Variants in SLC6A9 observed in about 807,000 individuals in gnomAD.
SLC6A9 encodes solute carrier family 6 member 9, also known as sodium- and chloride-dependent glycine transporter 1.
SLC6A9 carries 31 observed loss-of-function variants against 70.9 expected under a neutral mutation model. The observed-to-expected ratio is 0.44, with a 90% CI of 0.33 to 0.59. The LOEUF (loss-of-function observed/expected upper bound fraction) is 0.59. SLC6A9 is among the 20% of genes least tolerant of loss of function. The pLI is 0.04. For synonymous variants in SLC6A9, 310 were observed against 341.3 expected (o/e 0.91, Z 1.01); for missense variants, 631 against 845.2 (o/e 0.75, Z 3.14).
intron 5 of SLC6A9, among the ~76,000 whole-genome samples, chr1:44,005,572 C>A (rs2086278622): frequency 6.6e-6 from 1 of 152,184 alleles, no homozygotes; most frequent in South Asian, 2.1e-4. Flanking sequence ...CAGCCACCCC[C>A]ACCTAATTCA....
At chr1:44,010,591 G>C (rs548632519) in intron 3 of SLC6A9, 135 bp downstream of exon 3, 2 of 830,384 alleles carry the variant, frequency 2.4e-6, no homozygotes, top group Admixed American at 5.4e-5. Context: ...CTAAGCCAGG[G>C]ATGGGGGCGA....
intron 1 of SLC6A9, among the ~76,000 whole-genome samples, chr1:44,027,805 G>GTCTCTACTA (rs1334089872): frequency 6.6e-6 from 1 of 152,082 alleles, no homozygotes. Flanking sequence ...GTGAAGGCCC[G>GTCTCTACTA]TCTCTACTAA....
intron 2 of SLC6A9, among the ~76,000 whole-genome samples, chr1:44,016,854 A>G (rs2086762380): frequency 6.6e-6 from 1 of 150,492 alleles, no homozygotes; most frequent in Non-Finnish European, 1.5e-5. Flanking sequence ...CCCCCACCAC[A>G]CAGCTAACTC....
intron 2 of SLC6A9, 57 bp from the exon 3 acceptor site, chr1:44,010,939 C>T: frequency 6.4e-7 from 1 of 1,571,752 alleles, no homozygotes; most frequent in Non-Finnish European, 8.7e-7. Context: ...CATGCCTGAC[C>T]CTCTGGGCCT....
At chr1:44,010,455 GC>G (rs1485054239) in intron 3 of SLC6A9, 4 of 262,496 alleles carry the variant, frequency 1.5e-5, no homozygotes, top group African/African-American at 8.5e-5. Flanking sequence ...AGCCTTGTGG[GC>G]GGGGGGGGGG....
intron 3 of SLC6A9, chr1:44,010,397 C>CTTATCCTCACAAGCATAAGTTGCTGAGAT (rs2086503121): frequency 2.2e-6 from 1 of 444,564 alleles, no homozygotes. Context: ...TCCTCAACAT[C>CTTATCCTCACAAGCATAAGTTGCTGAGAT]CCTGAACCAT....
intron 5 of SLC6A9, among the ~76,000 whole-genome samples, chr1:44,006,324 A>G (rs1053338266): frequency 2.6e-5 from 4 of 152,174 alleles, no homozygotes; most frequent in Admixed American, 1.3e-4. Context: ...GTGGTGGCTC[A>G]TGCCTGTAAC....
intron 2 of SLC6A9, chr1:44,011,620 C>T (rs772131663): frequency 6.2e-7 from 1 of 1,614,022 alleles, no homozygotes; most frequent in Non-Finnish European, 8.5e-7. Flanking sequence ...GAGTTGTAGG[C>T]CCCATGCCAG....
In SLC6A9 at chr1:43,997,927, C is replaced by G; in HGVS notation, c.1635G>C (p.Leu545=). ...AGAGGGGGATGCAGAGGACGGAGGACAGAGCCATGAGGAAGCCAATGGCCA... is the reference window on the plus strand; with the variant it reads ...AGAGGGGGATGCAGAGGACGGAGGAGAGAGCCATGAGGAAGCCAATGGCCA... ...WAVAIGFLMA[L]SSVLCIPLYA... The change falls in exon 13 of 14, where the codon CTG becomes CTC. Residue 545 remains leucine, a synonymous_variant. Transcript: ENST00000372310. The surrounding 1 kb of genome is among the most constrained non-coding windows in gnomAD (Gnocchi z 4.4). 1 of 1,614,148 alleles carries G rather than the reference C, an allele frequency of 6.2e-7. No individual in the cohort carries two copies. The highest frequency in any genetic ancestry group is 8.5e-7 in the Non-Finnish European group (1 of 1,180,006).
intron 2 of SLC6A9, among the ~76,000 whole-genome samples, chr1:44,019,208 G>T (rs1010958355): frequency 6.6e-6 from 1 of 152,202 alleles, no homozygotes; most frequent in African/African-American, 2.4e-5. Context: ...TACATGGGAC[G>T]CTTGCTTCAC....
In SLC6A9 at chr1:44,013,478, G is replaced by A. The variant is rs1447136206; in HGVS notation, c.31-2596C>T. On this transcript the variant is annotated intron_variant, in intron 2 of 13. Coordinates refer to ENST00000372310, the MANE Select transcript of SLC6A9 (RefSeq NM_001024845.3). This position sits in a 1 kb window ranked among gnomAD's most constrained non-coding sequence, Gnocchi z 5.3. ...CGGGCTGTAACCCAGGGAGGCCACA[G>A]CCCCCGCGACAGGGCTGAACCGGGG... Among the ~76,000 whole-genome samples the A allele has an allele frequency of 1.3e-5, 2 of 152,226 alleles. No individual in the cohort carries two copies. Among genetic ancestry groups the A allele is most frequent in the Non-Finnish European group, 2.9e-5 (2 of 68,040 alleles).
intron 2 of SLC6A9, among the ~76,000 whole-genome samples, 192 bp from the exon 3 acceptor site, chr1:44,011,074 G>A (rs2154306112): frequency 6.6e-6 from 1 of 152,358 alleles, no homozygotes; most frequent in East Asian, 1.9e-4. Context: ...AGGGCGCCAA[G>A]CAGAGCTTCC....
intron 5 of SLC6A9, among the ~76,000 whole-genome samples, chr1:44,006,836 A>C (rs1161221680): frequency 4.6e-5 from 7 of 152,154 alleles, no homozygotes; most frequent in Non-Finnish European, 5.9e-5. Flanking sequence ...AGCCCAGCCC[A>C]GAGGTTGGCA....
intron 12 of SLC6A9, among the ~76,000 whole-genome samples, chr1:43,998,634 T>G (rs1384885292): frequency 6.6e-6 from 1 of 152,162 alleles, no homozygotes; most frequent in Non-Finnish European, 1.5e-5. Flanking sequence ...CCCATAGACC[T>G]GAGAGCTCCT....
rs758732938 is a variant in SLC6A9, at chr1:44,000,838, T to A, written c.1465A>T (p.Met489Leu). 2.5e-6 allele frequency: 4 copies of A among 1,611,500 alleles called. No individual in the cohort carries two copies. In the South Asian group the frequency reaches 4.4e-5, roughly 18 times the overall value. ...AGGGGTGGTGGGAATCCCAGCATCA[T>A]CTGGATGTCCTGGAAGTAGTTCCGG... ...GHRNYFQDIQ[M>L]MLGFPPPLFF... is the part of the protein sequence containing the mutation. The change falls in exon 12 of 14, where the codon ATG becomes TTG. Residue 489 changes from methionine to leucine, a missense_variant. Coordinates refer to ENST00000372310, the MANE Select transcript of SLC6A9 (RefSeq NM_001024845.3).
At chr1:44,023,409 G>A (rs1327709653) in intron 2 of SLC6A9, among the ~76,000 whole-genome samples, 2 of 152,066 alleles carry the variant, frequency 1.3e-5, no homozygotes, top group East Asian at 1.9e-4. Flanking sequence ...TTGGAAGGCC[G>A]AGGCGTGTGG....
At chr1:44,016,091 C>T (rs988958858) in intron 2 of SLC6A9, among the ~76,000 whole-genome samples, 4 of 152,218 alleles carry the variant, frequency 2.6e-5, no homozygotes, top group Admixed American at 6.5e-5. Context: ...TGACTGGCAC[C>T]CCCAGGCATG....
chr1:44,029,665 G>T (rs981987487), intron 1 of SLC6A9, among the ~76,000 whole-genome samples: 8 of 152,190 alleles, frequency 5.3e-5, no homozygotes, highest in African/African-American at 1.9e-4. Flanking sequence ...GCCCAAGTCT[G>T]GCTCCCCACT....
rs1342958141 is a variant in SLC6A9 at position 44,010,810 on chromosome 1, C to T, written c.103G>A (p.Glu35Lys). Residue 35 changes from glutamate (E) to lysine (K), a missense_variant, in exon 3 of 14, where the codon GAG (glutamate) becomes AAG (lysine). Coordinates refer to ENST00000372310, the MANE Select transcript of SLC6A9 (RefSeq NM_001024845.3). ...TAGCCCACGCTCGTCAGTACAAACT[C>T]GATCTGGTTGCCCCAGTTGCCCCGT... is the stretch of plus-strand genomic sequence containing the variant. ...LKRGNWGNQI[E>K]FVLTSVGYAV... The T allele has an allele frequency of 3.7e-6, 6 of 1,614,084 alleles. No individual in the cohort carries two copies. The highest frequency in any genetic ancestry group is 1.1e-5 in the South Asian group (1 of 91,094).
Sources: allele counts gnomAD v4.1 joint callset (sites outside exome capture counted in the v4.1 genomes callset), GRCh38; gene constraint gnomAD v4.1.1; non-coding constraint Gnocchi (gnomAD v3.1); transcripts MANE v1.5; gene names NCBI Gene and HGNC (gene_info 2026-07-23, HGNC 2026-07-21).